The following EMB variants were observed in gnomAD, a reference collection of about 807,000 sequenced individuals.
EMB encodes the protein embigin homolog.
In EMB, 31 loss-of-function variants were observed where a neutral mutation model predicts 41.4. That is an observed-to-expected ratio of 0.75 (90% CI 0.56 to 1.01). The LOEUF is 1.01. EMB is among the 50% of genes least tolerant of loss of function. EMB has a pLI of 0.00. For missense variants in EMB, 379 were observed against 388.3 expected (o/e 0.98, Z 0.20); for synonymous variants, 137 against 140.4 (o/e 0.98, Z 0.17).
chr5:50,408,269 G>A (rs1361326085), intron 4 of EMB, among the ~76,000 whole-genome samples: 1 of 151,644 alleles, frequency 6.6e-6, no homozygotes, highest in Non-Finnish European at 1.5e-5. Context: ...AAATATTATG[G>A]AAGCTTTCAG....
intron 2 of EMB, 178 bp from the exon 3 acceptor site, chr5:50,411,561 C>T (rs1745338605): frequency 2.1e-6 from 1 of 475,402 alleles, no homozygotes; most frequent in African/African-American, 2.0e-5. Context: ...TTTATATGCA[C>T]ACCTAAAGAA....
At chr5:50,401,091 A>G (rs1745154852) in intron 7 of EMB, among the ~76,000 whole-genome samples, 1 of 152,072 alleles carries the variant, frequency 6.6e-6, no homozygotes. Flanking sequence ...ATCAACATAA[A>G]TAAGATATCT....
At chr5:50,436,822 G>C (rs554142795) in intron 1 of EMB, among the ~76,000 whole-genome samples, 15 of 152,184 alleles carry the variant, frequency 9.9e-5, no homozygotes, top group African/African-American at 3.6e-4. Flanking sequence ...GACCTATGGA[G>C]GGAAAGATGA....
At position 50,441,140 on chromosome 5, in the gene EMB, G is replaced by A; in HGVS notation, c.12C>T (p.Leu4=). 1.3e-6 allele frequency: 2 copies of A among 1,502,096 alleles called. No homozygotes were observed. Among genetic ancestry groups the A allele is most frequent in the South Asian group, 1.2e-5 (1 of 80,150 alleles). The allele number at this position is 1,502,096 out of a possible 1,614,324, so 93.0% of individuals were successfully genotyped here. ...GCGCCCTGGCCTCCAGCAGGCCGGGGAGGGCGCGCATGGCGCCAGAGGGTC... is the reference window on the plus strand; with the variant it reads ...GCGCCCTGGCCTCCAGCAGGCCGGGAAGGGCGCGCATGGCGCCAGAGGGTC... The part of the protein sequence containing the change: MRA[L]PGLLEARART... The change falls in exon 1 of 9, where the codon CTC becomes CTT. Residue 4 remains leucine, a synonymous_variant. Coordinates refer to ENST00000303221, the MANE Select transcript of EMB (RefSeq NM_198449.3).
At chr5:50,437,107 CA>C in intron 1 of EMB, among the ~76,000 whole-genome samples, 1 of 152,074 alleles carries the variant, frequency 6.6e-6, no homozygotes, top group Admixed American at 6.5e-5. Flanking sequence ...CCCATCTCTA[CA>C]AAAAATACAA....
chr5:50,440,949 G>C (rs1745898434), intron 1 of EMB, 91 bp downstream of exon 1: 2 of 945,144 alleles, frequency 2.1e-6, no homozygotes, highest in Non-Finnish European at 2.8e-6. Context: ...CGCCACCCTT[G>C]CCCGGCGCGC....
chr5:50,405,886 A>C (rs1745241131), intron 4 of EMB, 34 bp from the exon 5 acceptor site: 3 of 1,558,064 alleles, frequency 1.9e-6, no homozygotes, highest in Non-Finnish European at 2.6e-6. Context: ...ATGTTACTGA[A>C]AGAGTTTAGG....
In EMB at chr5:50,403,154, A is replaced by C. The variant is rs1050338273; in HGVS notation, c.877+24T>G. On this transcript the variant is annotated intron_variant, in intron 6 of 8. Transcript: ENST00000303221. The stretch of plus-strand genomic sequence containing the variant: ...CTGATAATACTTTCTAAAAAAAACA[A>C]AAAACAAAAAAAAGAAATCCCACCT... The C allele has an allele frequency of 9.6e-6, 15 of 1,559,582 alleles. No homozygotes were observed. The African/African-American group carries it at 1.5e-4, about 16-fold the overall frequency.
In EMB at chr5:50,405,872, A is replaced by G. The variant is rs771973007; in HGVS notation, c.473-20T>C. 6.4e-6 allele frequency: 10 copies of G among 1,569,248 alleles called. No homozygotes were observed. Among genetic ancestry groups the G allele is most frequent in the Admixed American group, 4.0e-5 (2 of 49,940 alleles). ...CAGGGACTGAGAATAAAATAGAGAA[A>G]TGTATGTTACTGAAAGAGTTTAGGT... is the stretch of plus-strand genomic sequence containing the variant. On this transcript the variant is annotated intron_variant, in intron 4 of 8. Coordinates refer to ENST00000303221, the MANE Select transcript of EMB (RefSeq NM_198449.3).
At chr5:50,430,278 C>T (rs1448971075) in intron 1 of EMB, among the ~76,000 whole-genome samples, 3 of 152,150 alleles carry the variant, frequency 2.0e-5, no homozygotes, top group Non-Finnish European at 4.4e-5. Context: ...GATATCTTTG[C>T]TTTCCTCCCC....
chr5:50,414,528 C>CAAAAAAA (rs34645448), intron 2 of EMB, among the ~76,000 whole-genome samples: 1 of 46,692 alleles, frequency 2.1e-5, no homozygotes, highest in Non-Finnish European at 4.1e-5. Flanking sequence ...CTGTCTCAGG[C>CAAAAAAA]AAAAAAAAAA....
At chr5:50,425,165 C>A (rs1034058317) in intron 2 of EMB, among the ~76,000 whole-genome samples, 4 of 152,176 alleles carry the variant, frequency 2.6e-5, no homozygotes, top group African/African-American at 9.7e-5. Flanking sequence ...TCTGAGTGGT[C>A]CTAACCTAGA....
intron 5 of EMB, among the ~76,000 whole-genome samples, chr5:50,404,707 A>T (rs565392701): frequency 1.2e-3 from 180 of 151,494 alleles, no homozygotes; most frequent in Middle Eastern, 3.4e-3. Context: ...TACACTTTTT[A>T]AAAAAAAATT....
intron 1 of EMB, among the ~76,000 whole-genome samples, chr5:50,429,211 T>C (rs1745674356): frequency 6.6e-6 from 1 of 152,206 alleles, no homozygotes; most frequent in Admixed American, 6.5e-5. Context: ...TGGCCTACTG[T>C]TCCTTTTATT....
intron 2 of EMB, among the ~76,000 whole-genome samples, chr5:50,422,492 G>A (rs951631484): frequency 6.6e-6 from 1 of 152,170 alleles, no homozygotes; most frequent in African/African-American, 2.4e-5. Context: ...AATATGATTA[G>A]AGTGCTATTT....
At chr5:50,428,329 A>C (rs1214387797) in intron 1 of EMB, 102 bp from the exon 2 acceptor site, 1 of 1,263,366 alleles carries the variant, frequency 7.9e-7, no homozygotes, top group African/African-American at 1.5e-5. Context: ...ACTATTAATG[A>C]AAAACTGTGT....
In EMB at chr5:50,410,983, T is replaced by G. The variant is rs1423651349; in HGVS notation, c.384-18A>C. On this transcript the variant is annotated intron_variant, in intron 3 of 8. Coordinates refer to ENST00000303221, the MANE Select transcript of EMB (RefSeq NM_198449.3). The stretch of plus-strand genomic sequence containing the variant: ...TGGTGAACCTAAAGATAATTCAAGT[T>G]ATTAATATAGGCTTAGTTCTCAAAA... 6.5e-6 allele frequency: 10 copies of G among 1,539,000 alleles called. No individual in the cohort carries two copies. Among genetic ancestry groups the G allele is most frequent in the Non-Finnish European group, 8.9e-6 (10 of 1,129,884 alleles).
chr5:50,419,536 T>TACACACACACACACACACAC (rs371940991), intron 2 of EMB, among the ~76,000 whole-genome samples: 122 of 142,826 alleles, frequency 8.5e-4, no homozygotes, highest in East Asian at 3.6e-3. Context: ...CCCCACTACA[T>TACACACACACACACACACAC]ACACACACAC....
chr5:50,439,572 C>T (rs1745862389), intron 1 of EMB, among the ~76,000 whole-genome samples: 1 of 151,638 alleles, frequency 6.6e-6, no homozygotes, highest in South Asian at 2.1e-4. Flanking sequence ...AGCCATCCTC[C>T]CACCTCAGCG....
Sources: allele counts gnomAD v4.1 joint callset (sites outside exome capture counted in the v4.1 genomes callset), GRCh38; gene constraint gnomAD v4.1.1; transcripts MANE v1.5; gene names NCBI Gene and HGNC (gene_info 2026-07-23, HGNC 2026-07-21).